The following KLHL41 variants were observed in gnomAD, a reference collection of about 807,000 sequenced individuals.
The protein encoded by KLHL41 is kelch like family member 41.
Under a neutral mutation model 49.2 loss-of-function variants are expected in KLHL41, and 31 were observed. That is an observed-to-expected ratio of 0.63 (90% confidence interval 0.47 to 0.85). The LOEUF (loss-of-function observed/expected upper bound fraction) is 0.85, where lower values mean the gene tolerates loss of function less well. Ranked by LOEUF, KLHL41 falls within the 40% of genes least tolerant of loss-of-function variation. KLHL41 has a pLI of 0.00. For missense variants in KLHL41, 663 were observed against 726.7 expected (o/e 0.91, Z 1.01); for synonymous variants, 218 against 258.5 (o/e 0.84, Z 1.50).
intron 5 of KLHL41, among the ~76,000 whole-genome samples, chr2:169,521,652 C>G (rs1383728671): frequency 1.3e-5 from 2 of 152,234 alleles, no homozygotes; most frequent in African/African-American, 4.8e-5. Context: ...CTCAATCTCC[C>G]AAAGTGCTAG....
Position 169,514,571 on chromosome 2 carries a change from C to T in KLHL41, c.1111-3C>T. ...CACAATCTCTCATATATGTTTTTTTCAGCTCGATAGCATAGCATCTGAATG... is the reference window on the plus strand; with the variant it reads ...CACAATCTCTCATATATGTTTTTTTTAGCTCGATAGCATAGCATCTGAATG... On this transcript the variant is annotated splice_region_variant and splice_polypyrimidine_tract_variant and intron_variant, in intron 1 of 5. Coordinates refer to ENST00000284669, the MANE Select transcript of KLHL41 (RefSeq NM_006063.3). The T allele has an allele frequency of 1.3e-6, 2 of 1,599,102 alleles. No individual in the cohort carries two copies. Among genetic ancestry groups the T allele is most frequent in the Non-Finnish European group, 8.5e-7 (1 of 1,175,778 alleles).
In KLHL41 at chr2:169,510,493, G is replaced by A; in HGVS notation, c.715G>A (p.Asp239Asn). The A allele has an allele frequency of 1.2e-6, 2 of 1,613,858 alleles. No homozygotes were observed. Among genetic ancestry groups the A allele is most frequent in the South Asian group, 1.1e-5 (1 of 91,026 alleles). The change falls in exon 1 of 6, where the codon GAT becomes AAT. Residue 239 changes from aspartate (D) to asparagine (N), a missense_variant. By Grantham distance (23) the Asp-to-Asn change is conservative. Coordinates refer to ENST00000284669, the MANE Select transcript of KLHL41 (RefSeq NM_006063.3). The surrounding 1 kb of genome is among the most constrained non-coding windows in gnomAD (Gnocchi z 4.2). ...EKYFKDHVEK[D>N]DIIKSNPDLQ... ...ATATTTTAAGGATCATGTTGAGAAAGATGATATAATTAAAAGCAACCCAGA... is the reference window on the plus strand; with the variant it reads ...ATATTTTAAGGATCATGTTGAGAAAAATGATATAATTAAAAGCAACCCAGA...
At chr2:169,520,576 C>G (rs907526088) in intron 4 of KLHL41, among the ~76,000 whole-genome samples, 1 of 152,058 alleles carries the variant, frequency 6.6e-6, no homozygotes, top group Non-Finnish European at 1.5e-5. Context: ...CACAGCCTCC[C>G]AAATAGCTGA....
chr2:169,519,129 G>C (rs951862294), intron 4 of KLHL41, among the ~76,000 whole-genome samples: 1 of 151,990 alleles, frequency 6.6e-6, no homozygotes, highest in Non-Finnish European at 1.5e-5. Context: ...ATTCCTTTAC[G>C]CTGTTTATAA....
intron 5 of KLHL41, among the ~76,000 whole-genome samples, chr2:169,522,775 T>G (rs1684221793): frequency 7.6e-6 from 1 of 132,114 alleles, no homozygotes; most frequent in Non-Finnish European, 1.5e-5. Flanking sequence ...CAGGCTGTAG[T>G]GCAGTGATGT....
At position 169,525,769 on chromosome 2, in the gene KLHL41, TA is replaced by T; in HGVS notation, c.*77del. ...TGGGGCTTTAATTTATTCTGTTTTT[TA>T]AAAGCTTGTACAGACACTCATGTAG... On this transcript the variant is annotated 3_prime_UTR_variant, in exon 6 of 6. Coordinates refer to ENST00000284669, the MANE Select transcript of KLHL41 (RefSeq NM_006063.3). 1.2e-6 allele frequency: 1 copy of T among 823,852 alleles called. No individual in the cohort carries two copies. The allele number at this position is 823,852 out of a possible 1,614,324, so 51.0% of individuals were successfully genotyped here. A position where few individuals can be genotyped will look rare whatever the true frequency, so the allele number is the denominator to read the frequency against.
At chr2:169,519,785 G>T (rs913784308) in intron 4 of KLHL41, among the ~76,000 whole-genome samples, 4 of 151,628 alleles carry the variant, frequency 2.6e-5, no homozygotes, top group African/African-American at 9.7e-5. Flanking sequence ...GTAGAGATGG[G>T]GTTTCACCAT....
Position 169,510,062 on chromosome 2 carries a change from G to A in KLHL41, c.284G>A (p.Ser95Asn), listed in dbSNP as rs745434179. 9 of 1,614,038 alleles carry A rather than the reference G, an allele frequency of 5.6e-6. No individual in the cohort carries two copies. Among genetic ancestry groups the A allele is most frequent in the Non-Finnish European group, 1.7e-6 (2 of 1,180,042 alleles). The stretch of plus-strand genomic sequence containing the variant: ...ATCATCAAATACCTGTACTCTGCCA[G>A]TATTGATCTCAATGACGGAAATGTG... The part of the protein sequence containing the change: ...DLIIKYLYSA[S>N]IDLNDGNVQD... The change falls in exon 1 of 6, where the codon AGT becomes AAT. Residue 95 changes from serine (S) to asparagine (N), a missense_variant. Ser to Asn is a conservative substitution (Grantham distance 46). This residue lies in a region of KLHL41 where 129 missense variants were observed against 122.1 expected (regional missense o/e 1.06). Transcript: ENST00000284669. This position sits in a 1 kb window ranked among gnomAD's most constrained non-coding sequence, Gnocchi z 4.2.
At position 169,521,023 on chromosome 2, in the gene KLHL41, T is replaced by A; in HGVS notation, c.1709+16T>A. 6.2e-7 allele frequency: 1 copy of A among 1,604,978 alleles called. No individual in the cohort carries two copies. The highest frequency in any genetic ancestry group is 8.5e-7 in the Non-Finnish European group (1 of 1,175,758). On this transcript the variant is annotated intron_variant, in intron 5 of 5. Transcript: ENST00000284669. ...ACATATGGAAGTAAGTTCTCATCAC[T>A]TCAATTTTCAGAATCACATATTAAA...
chr2:169,521,213 G>C (rs915380216), intron 5 of KLHL41, among the ~76,000 whole-genome samples: 1 of 152,116 alleles, frequency 6.6e-6, no homozygotes, highest in African/African-American at 2.4e-5. Flanking sequence ...GCCTGAGAAA[G>C]AAATCATCTG....
Position 169,510,737 on chromosome 2 carries a change from C to T in KLHL41, c.959C>T (p.Thr320Met), listed in dbSNP as rs781536513. Reference protein sequence around the residue: ...NDTAAVAYDPTENECYLTALA... With the variant: ...NDTAAVAYDPMENECYLTALA... ...ACAGCAGCAGTGGCTTATGACCCCA[C>T]GGAAAATGAATGCTACCTTACTGCA... Residue 320 changes from threonine to methionine, a missense_variant, in exon 1 of 6, where the codon ACG becomes ATG. Around this residue, in one of 3 missense-constraint regions of KLHL41, gnomAD observed 528 missense variants for 581.0 expected, o/e 0.91. Transcript: ENST00000284669. The surrounding 1 kb of genome is among the most constrained non-coding windows in gnomAD (Gnocchi z 4.2). 1.2e-5 allele frequency: 20 copies of T among 1,614,046 alleles called. No individual in the cohort carries two copies. The highest frequency in any genetic ancestry group is 3.3e-5 in the South Asian group (3 of 91,092).
chr2:169,518,099 A>G (rs1312084293), intron 3 of KLHL41, 91 bp from the exon 4 acceptor site: 2 of 852,880 alleles, frequency 2.3e-6, no homozygotes, highest in African/African-American at 3.4e-5. Flanking sequence ...TGATCCTACT[A>G]TATATTTTTC....
At position 169,510,647 on chromosome 2, in the gene KLHL41, G is replaced by A. The variant is rs774827735; in HGVS notation, c.869G>A (p.Gly290Asp). 9 of 1,614,006 alleles carry A rather than the reference G, an allele frequency of 5.6e-6. No individual in the cohort carries two copies. The Admixed American group carries it at 6.7e-5, about 12-fold the overall frequency. ...GTTGGTGATGAAGATTTACTTCCTGGTTACCTGAATGACATTCCCAGGCAT... is the reference window on the plus strand; with the variant it reads ...GTTGGTGATGAAGATTTACTTCCTGATTACCTGAATGACATTCCCAGGCAT... Reference protein sequence around the residue: ...GDVGDEDLLPGYLNDIPRHGM... With the variant: ...GDVGDEDLLPDYLNDIPRHGM... Residue 290 changes from glycine (G) to aspartate (D), a missense_variant, in exon 1 of 6, where the codon GGT becomes GAT. By Grantham distance (94) the Gly-to-Asp change is moderately conservative (BLOSUM62 -1). Coordinates refer to ENST00000284669, the MANE Select transcript of KLHL41 (RefSeq NM_006063.3). This position sits in a 1 kb window ranked among gnomAD's most constrained non-coding sequence, Gnocchi z 4.2.
intron 4 of KLHL41, among the ~76,000 whole-genome samples, chr2:169,519,115 T>G (rs1684161173): frequency 6.6e-6 from 1 of 152,230 alleles, no homozygotes; most frequent in Admixed American, 6.5e-5. Context: ...CTTCCCAAGT[T>G]TTCATTCCTT....
chr2:169,515,057 G>C (rs575861475), intron 3 of KLHL41, 96 bp downstream of exon 3: 7 of 714,274 alleles, frequency 9.8e-6, no homozygotes, highest in African/African-American at 7.5e-5. Context: ...TTTTGAGATG[G>C]AGCTTCACTC....
Position 169,509,766 on chromosome 2 carries a change from G to T in KLHL41, c.-13G>T. Reference sequence around the variant, plus strand: ...CCTTCAGTGTCCCCTTCCTTACCCAGGTTTCTCACAGAATGGATTCCCAGC... The same window carrying T: ...CCTTCAGTGTCCCCTTCCTTACCCATGTTTCTCACAGAATGGATTCCCAGC... On this transcript the variant is annotated 5_prime_UTR_variant, in exon 1 of 6. It adds an upstream start codon to the 5' untranslated region. Coordinates refer to ENST00000284669, the MANE Select transcript of KLHL41 (RefSeq NM_006063.3). 1 of 1,602,178 alleles carries T rather than the reference G, an allele frequency of 6.2e-7. No homozygotes were observed.
At position 169,510,895 on chromosome 2, in the gene KLHL41, A is replaced by G. The variant is rs762820829; in HGVS notation, c.1110+7A>G. On this transcript the variant is annotated splice_region_variant and intron_variant, in intron 1 of 5. Transcript: ENST00000284669. The surrounding 1 kb of genome is among the most constrained non-coding windows in gnomAD (Gnocchi z 4.2). ...ACAGTCATACTTCTTCCAGGTAAGA[A>G]GGACTTTTTGTATATGTAGTTGCTT... 2.5e-6 allele frequency: 4 copies of G among 1,608,712 alleles called. No homozygotes were observed. The highest frequency in any genetic ancestry group is 3.4e-6 in the Non-Finnish European group (4 of 1,176,916).
intron 3 of KLHL41, among the ~76,000 whole-genome samples, chr2:169,516,647 A>T (rs887065789): frequency 1.3e-5 from 2 of 152,212 alleles, no homozygotes; most frequent in Non-Finnish European, 2.9e-5. Context: ...GGAATATATC[A>T]ATCTTGAGAA....
rs767944364 is a variant in KLHL41 at position 169,525,744 on chromosome 2, TG to T, written c.*52del. On this transcript the variant is annotated 3_prime_UTR_variant, in exon 6 of 6. Transcript: ENST00000284669. ...ATTGGGAGGTGGTTTGTTTGGTGAA[TG>T]GGGCTTTAATTTATTCTGTTTTTTA... The T allele has an allele frequency of 4.8e-6, 5 of 1,032,156 alleles. No homozygotes were observed. The African/African-American group carries it at 6.4e-5, about 13-fold the overall frequency. The allele number at this position is 1,032,156 out of a possible 1,614,324, so 63.9% of individuals were successfully genotyped here.
Sources: allele counts gnomAD v4.1 joint callset (sites outside exome capture counted in the v4.1 genomes callset), GRCh38; gene constraint gnomAD v4.1.1; regional missense constraint gnomAD v4.1.1; non-coding constraint Gnocchi (gnomAD v3.1); transcripts MANE v1.5; gene names NCBI Gene and HGNC (gene_info 2026-07-23, HGNC 2026-07-21).